The following SIPA1L3 variants were observed in gnomAD, a reference collection of about 807,000 sequenced individuals.
SIPA1L3 encodes the protein signal-induced proliferation-associated 1-like protein 3.
Under a neutral mutation model 150.1 loss-of-function variants are expected in SIPA1L3, and 59 were observed. The observed-to-expected ratio is 0.39, with a 90% CI of 0.32 to 0.49. The LOEUF (loss-of-function observed/expected upper bound fraction) is 0.49. SIPA1L3 is among the 20% of genes least tolerant of loss of function. The pLI is 0.86. For missense variants in SIPA1L3, 2,211 were observed against 2,489.5 expected (o/e 0.89, Z 2.38); for synonymous variants, 1,070 against 1,077.6 (o/e 0.99, Z 0.14).
intron 2 of SIPA1L3, among the ~76,000 whole-genome samples, chr19:38,061,861 GT>G (rs1969451720): frequency 6.6e-6 from 1 of 150,650 alleles, no homozygotes; most frequent in Non-Finnish European, 1.5e-5. Flanking sequence ...TATCTGGTTG[GT>G]TTGGGATTTT....
At chr19:38,042,525 A>G (rs1003059675) in intron 2 of SIPA1L3, among the ~76,000 whole-genome samples, 5 of 152,304 alleles carry the variant, frequency 3.3e-5, no homozygotes, top group Middle Eastern at 3.4e-3. Flanking sequence ...GGAATACTTA[A>G]CAAGTCTCCT....
chr19:38,184,488 C>G (rs1972635179), intron 16 of SIPA1L3: 1 of 152,600 alleles, frequency 6.6e-6, no homozygotes, highest in South Asian at 2.1e-4. Context: ...CCTGTCCTCC[C>G]CCTTTTACAG....
intron 1 of SIPA1L3, among the ~76,000 whole-genome samples, chr19:37,963,593 A>C (rs1028576063): frequency 1.3e-5 from 2 of 152,260 alleles, no homozygotes; most frequent in Admixed American, 1.3e-4. Context: ...ATTAAACGCC[A>C]CATGTTCCCA....
At chr19:38,127,031 A>G (rs1971191484) in intron 9 of SIPA1L3, among the ~76,000 whole-genome samples, 1 of 152,118 alleles carries the variant, frequency 6.6e-6, no homozygotes, top group African/African-American at 2.4e-5. Flanking sequence ...CGTCTCTACT[A>G]AAAATACAAA....
intron 10 of SIPA1L3, 127 bp from the exon 11 acceptor site, chr19:38,141,057 C>CAAA (rs551813100): frequency 2.9e-4 from 114 of 396,274 alleles, no homozygotes; most frequent in South Asian, 6.3e-4. Context: ...GACTCTGTCT[C>CAAA]AAAAAAAAAA....
At chr19:38,005,157 C>T (rs1057240207) in intron 1 of SIPA1L3, among the ~76,000 whole-genome samples, 2 of 152,002 alleles carry the variant, frequency 1.3e-5, no homozygotes, top group Admixed American at 6.6e-5. Flanking sequence ...TCCCCTGCCA[C>T]GTGCCTACTA....
intron 8 of SIPA1L3, among the ~76,000 whole-genome samples, chr19:38,118,181 A>C (rs924167374): frequency 6.6e-6 from 1 of 152,204 alleles, no homozygotes; most frequent in African/African-American, 2.4e-5. Flanking sequence ...ATTCTACATC[A>C]GTCAGCTATT....
At position 38,022,568 on chromosome 19, in the gene SIPA1L3, C is replaced by T. The variant is rs117025644; in HGVS notation, c.-378-6521C>T. 2.0e-3 allele frequency among the ~76,000 whole-genome samples: 252 copies of T among 128,302 alleles called. 6 individuals carry two copies. The East Asian group carries it at 0.053, about 27-fold the overall frequency. 84.2% of individuals were successfully genotyped at this position (128,302 alleles called of 152,430 possible). ...CACAGACACACACAAAAAAATCGGG[C>T]GTGGTGGCAGGTGCCTCTAGTCCCA... On this transcript the variant is annotated intron_variant, in intron 1 of 21. Transcript: ENST00000222345.
Position 38,164,741 on chromosome 19 carries a change from G to A in SIPA1L3, c.4043G>A (p.Arg1348His), listed in dbSNP as rs143867865. The A allele has an allele frequency of 1.3e-4, 208 of 1,612,734 alleles. 1 individual carries two copies. Among genetic ancestry groups the A allele is most frequent in the East Asian group, 1.1e-3 (49 of 44,786 alleles). Residue 1348 changes from arginine to histidine, a missense_variant, in exon 15 of 22, where the codon CGC (arginine) becomes CAC (histidine). Around this residue, in one of 5 missense-constraint regions of SIPA1L3, gnomAD observed 806 missense variants for 870.1 expected, o/e 0.93. Coordinates refer to ENST00000222345, the MANE Select transcript of SIPA1L3 (RefSeq NM_015073.3). The surrounding 1 kb of genome is among the most constrained non-coding windows in gnomAD (Gnocchi z 4.1). ...PGSMGLCGGG[R>H]EAAGRSHHAD... is the part of the protein sequence containing the mutation. ...AGTATGGGCCTTTGTGGCGGGGGTC[G>A]CGAGGCCGCTGGGAGGTCCCACCAC... is the stretch of plus-strand genomic sequence containing the variant.
chr19:38,135,540 C>T (rs1357305242), intron 10 of SIPA1L3, among the ~76,000 whole-genome samples: 3 of 152,190 alleles, frequency 2.0e-5, no homozygotes, highest in Admixed American at 6.5e-5. Context: ...GCTTGCGCAT[C>T]GCATGACTCT....
At position 38,082,141 on chromosome 19, in the gene SIPA1L3, C is replaced by T. The variant is rs974283617; in HGVS notation, c.576C>T (p.His192=). ...CGGGGGAGCCGCGGGGGGCCCGGCA[C>T]ACGGGGGCGCTGCCCCTCTTCCGCG... ...EDAGEPRGAR[H]TGALPLFREY... The change falls in exon 3 of 22, where the codon CAC becomes CAT. Residue 192 remains histidine, a synonymous_variant. Coordinates refer to ENST00000222345, the MANE Select transcript of SIPA1L3 (RefSeq NM_015073.3). The T allele has an allele frequency of 1.2e-6, 2 of 1,606,020 alleles. No individual in the cohort carries two copies. The highest frequency in any genetic ancestry group is 1.7e-6 in the Non-Finnish European group (2 of 1,179,310).
intron 2 of SIPA1L3, among the ~76,000 whole-genome samples, chr19:38,070,005 T>C (rs1969680616): frequency 6.6e-6 from 1 of 151,910 alleles, no homozygotes; most frequent in African/African-American, 2.4e-5. Context: ...AAAGCTCCTC[T>C]GTACCTCTAT....
At chr19:37,930,275 G>T (rs2046542311) in intron 1 of SIPA1L3, among the ~76,000 whole-genome samples, 1 of 151,596 alleles carries the variant, frequency 6.6e-6, no homozygotes, top group Non-Finnish European at 1.5e-5. Context: ...GCCTCCCAAA[G>T]TGCTGGGATT....
Position 38,101,215 on chromosome 19 carries a change from T to C in SIPA1L3, c.2018T>C (p.Leu673Pro). Reference sequence around the variant, plus strand: ...GGCTTCACCAAGTACGCTGCCCAGCTGGACGTCAAGAGTAAGTAGGGGGCC... The same window carrying C: ...GGCTTCACCAAGTACGCTGCCCAGCCGGACGTCAAGAGTAAGTAGGGGGCC... ...LKGFTKYAAQ[L>P]DVKTDSTGTH... Residue 673 changes from leucine (L) to proline (P), a missense_variant, in exon 6 of 22, where the codon CTG becomes CCG. Around this residue, in one of 5 missense-constraint regions of SIPA1L3, gnomAD observed 625 missense variants for 804.2 expected, o/e 0.78. Coordinates refer to ENST00000222345, the MANE Select transcript of SIPA1L3 (RefSeq NM_015073.3). 1 of 1,569,000 alleles carries C rather than the reference T, an allele frequency of 6.4e-7. No individual in the cohort carries two copies.
At position 38,142,462 on chromosome 19, in the gene SIPA1L3, GGTCT is replaced by G. The variant is rs997230734; in HGVS notation, c.3396-99_3396-96del. 1.0e-4 allele frequency: 126 copies of G among 1,248,008 alleles called. 1 individual carries two copies. Among genetic ancestry groups the G allele is most frequent in the Middle Eastern group, 2.6e-4 (1 of 3,808 alleles). 77.3% of individuals were successfully genotyped at this position (1,248,008 alleles called of 1,614,324 possible). ...TGGCTGGGCGGGGGAAAGTTCGGTT[GGTCT>G]GTCTGTCTGTCCGTCTGTCCATCCA... On this transcript the variant is annotated intron_variant, in intron 11 of 21. Coordinates refer to ENST00000222345, the MANE Select transcript of SIPA1L3 (RefSeq NM_015073.3).
intron 9 of SIPA1L3, among the ~76,000 whole-genome samples, chr19:38,125,899 C>T (rs1388748108): frequency 2.6e-5 from 4 of 152,338 alleles, no homozygotes; most frequent in East Asian, 3.9e-4. Context: ...TTCGGCCAAG[C>T]GCGGTGGCTC....
intron 1 of SIPA1L3, among the ~76,000 whole-genome samples, chr19:37,992,974 C>T (rs1967549808): frequency 6.6e-6 from 1 of 152,164 alleles, no homozygotes; most frequent in Admixed American, 6.5e-5. Flanking sequence ...CTCCCAGCTG[C>T]GTGACCCCGG....
chr19:38,029,966 G>A (rs568976852), intron 2 of SIPA1L3, among the ~76,000 whole-genome samples: 34 of 150,988 alleles, frequency 2.3e-4, no homozygotes, highest in Non-Finnish European at 4.3e-4. Flanking sequence ...GTGATTCTCC[G>A]GCCTCAGCCT....
intron 3 of SIPA1L3, among the ~76,000 whole-genome samples, chr19:38,087,226 A>T (rs1970153542): frequency 6.6e-6 from 1 of 152,214 alleles, no homozygotes; most frequent in South Asian, 2.1e-4. Flanking sequence ...ATATGCTAGG[A>T]TTCGCAAGGA....
Sources: gnomAD v4.1 joint callset for allele counts (sites outside exome capture counted in the v4.1 genomes callset) on GRCh38, gnomAD v4.1.1 for gene constraint, gnomAD v4.1.1 regional missense constraint, Gnocchi (gnomAD v3.1) non-coding constraint, MANE v1.5 for transcripts, NCBI Gene and HGNC (gene_info 2026-07-23, HGNC 2026-07-21) for gene names.